Variants in STPG2 observed in about 807,000 individuals in gnomAD.
STPG2 encodes the protein sperm tail PG-rich repeat containing 2, also known as sperm-tail PG-rich repeat-containing protein 2.
A neutral mutation model predicts 54.2 loss-of-function variants in STPG2; 56 were observed. That is an observed-to-expected ratio of 1.03 (90% confidence interval 0.83 to 1.29). The LOEUF (loss-of-function observed/expected upper bound fraction) is 1.29. Ranked by LOEUF, STPG2 falls within the 50% of genes most tolerant of loss-of-function variation. The probability of loss-of-function intolerance (pLI) is 0.00; values close to 1 mark genes in which losing one functional copy is unlikely to be tolerated. For synonymous variants in STPG2, 200 were observed against 181.8 expected (o/e 1.10, Z -0.81); for missense variants, 596 against 544.9 (o/e 1.09, Z -0.93).
At chr4:97,457,244 A>G (rs1004649842) in intron 4 of STPG2, among the ~76,000 whole-genome samples, 1 of 152,178 alleles carries the variant, frequency 6.6e-6, no homozygotes, top group African/African-American at 2.4e-5. Flanking sequence ...CAGTGATCAT[A>G]CTCTTTGTTA....
chr4:97,447,057 A>C (rs1195329527), intron 4 of STPG2, among the ~76,000 whole-genome samples: 1 of 152,218 alleles, frequency 6.6e-6, no homozygotes, highest in East Asian at 1.9e-4. Context: ...TTTGACCAAA[A>C]TGCTGATAGT....
intron 8 of STPG2, among the ~76,000 whole-genome samples, chr4:97,913,522 A>T (rs908058169): frequency 2.6e-5 from 4 of 152,176 alleles, no homozygotes; most frequent in African/African-American, 9.6e-5. Context: ...CCTATAGAAC[A>T]GCTCCTCCTC....
intron 9 of STPG2, among the ~76,000 whole-genome samples, chr4:97,788,010 T>C (rs1299542796): frequency 6.6e-6 from 1 of 151,978 alleles, no homozygotes; most frequent in Non-Finnish European, 1.5e-5. Flanking sequence ...ACACACAATG[T>C]GTAATAATCA....
chr4:98,111,687 T>G (rs1186631003), intron 3 of STPG2, among the ~76,000 whole-genome samples: 2 of 126,372 alleles, frequency 1.6e-5, no homozygotes, highest in Non-Finnish European at 3.5e-5. Flanking sequence ...AATACTCACA[T>G]AGCTGATAAA....
intron 9 of STPG2, among the ~76,000 whole-genome samples, chr4:97,733,920 A>G (rs999632396): frequency 2.6e-5 from 4 of 152,100 alleles, no homozygotes; most frequent in Non-Finnish European, 4.4e-5. Flanking sequence ...ATCATCTTCT[A>G]GTTTTCTATA....
chr4:97,669,816 AAAAG>A (rs1454397194), intron 10 of STPG2, among the ~76,000 whole-genome samples: 1 of 26,296 alleles, frequency 3.8e-5, no homozygotes, highest in Non-Finnish European at 6.9e-5. Context: ...AAAAAAAAAA[AAAAG>A]AAAGTTTATT....
At chr4:97,652,464 CA>C (rs199729676) in intron 10 of STPG2, among the ~76,000 whole-genome samples, 2,152 of 151,108 alleles carry the variant, frequency 0.014, 43 homozygotes, top group African/African-American at 0.048. Flanking sequence ...TATGTTCTTA[CA>C]AAAAAAAGTA....
intron 4 of STPG2, among the ~76,000 whole-genome samples, chr4:97,444,698 A>G (rs766744415): frequency 5.9e-5 from 9 of 152,148 alleles, no homozygotes; most frequent in Non-Finnish European, 1.0e-4. Context: ...AAAGAAGAAC[A>G]ATGAAAGAGT....
At chr4:97,582,741 A>T (rs937974462) in intron 10 of STPG2, among the ~76,000 whole-genome samples, 82 of 152,052 alleles carry the variant, frequency 5.4e-4, no homozygotes, top group Non-Finnish European at 2.9e-4. Context: ...CTGAATGCAA[A>T]CAAATGCCAG....
chr4:97,694,869 C>T (rs908897895), intron 10 of STPG2, among the ~76,000 whole-genome samples: 2 of 135,278 alleles, frequency 1.5e-5, no homozygotes, highest in Non-Finnish European at 3.2e-5. Flanking sequence ...CAAAAAAAGT[C>T]CAGAGGCAGA....
chr4:98,003,868 A>C (rs1483200144), intron 5 of STPG2, among the ~76,000 whole-genome samples: 1 of 152,088 alleles, frequency 6.6e-6, no homozygotes, highest in Admixed American at 6.6e-5. Context: ...TCTTTATTGA[A>C]GTATAATAGA....
intron 4 of STPG2, among the ~76,000 whole-genome samples, chr4:97,484,047 A>G (rs1284698512): frequency 6.6e-6 from 1 of 151,784 alleles, no homozygotes; most frequent in African/African-American, 2.4e-5. Flanking sequence ...GACACAACCT[A>G]TCAAAACCTC....
intron 5 of STPG2, among the ~76,000 whole-genome samples, chr4:98,022,601 C>T (rs1305149264): frequency 1.3e-5 from 2 of 151,902 alleles, no homozygotes; most frequent in African/African-American, 4.8e-5. Flanking sequence ...TGGATAATAT[C>T]CTGCAGAGTG....
intron 7 of STPG2, among the ~76,000 whole-genome samples, chr4:97,957,294 T>C (rs1485229149): frequency 1.3e-5 from 2 of 150,582 alleles, no homozygotes; most frequent in Non-Finnish European, 3.0e-5. Flanking sequence ...CTCTGGAAAG[T>C]CTCAGCAATA....
chr4:97,767,698 G>A (rs1726095215), intron 9 of STPG2, among the ~76,000 whole-genome samples: 1 of 152,088 alleles, frequency 6.6e-6, no homozygotes, highest in Non-Finnish European at 1.5e-5. Context: ...GTATTTGAAT[G>A]TGTTATTTTA....
intron 9 of STPG2, among the ~76,000 whole-genome samples, chr4:97,793,370 TACACACACACAC>T (rs3046530): frequency 7.4e-5 from 11 of 147,880 alleles, no homozygotes; most frequent in Non-Finnish European, 1.7e-4. Flanking sequence ...GTTTTATATA[TACACACACACAC>T]ACACACACAC....
chr4:97,908,638 G>C (rs1237134227), intron 8 of STPG2, among the ~76,000 whole-genome samples: 1 of 151,714 alleles, frequency 6.6e-6, no homozygotes, highest in Non-Finnish European at 1.5e-5. Flanking sequence ...ATGATAGACT[G>C]GATTAAGAAA....
chr4:97,863,811 C>T (rs966155764), intron 8 of STPG2, among the ~76,000 whole-genome samples: 13 of 152,078 alleles, frequency 8.5e-5, no homozygotes, highest in African/African-American at 2.4e-4. Context: ...AATCAATAAA[C>T]GTGATCCAGC....
At chr4:98,083,596 T>A (rs1472471424) in intron 5 of STPG2, among the ~76,000 whole-genome samples, 1 of 152,174 alleles carries the variant, frequency 6.6e-6, no homozygotes, top group African/African-American at 2.4e-5. Flanking sequence ...TACAATTCTA[T>A]TAATATTGGA....
Sources: allele counts gnomAD v4.1 joint callset (sites outside exome capture counted in the v4.1 genomes callset), GRCh38; gene constraint gnomAD v4.1.1; transcripts MANE v1.5; gene names NCBI Gene and HGNC (gene_info 2026-07-23, HGNC 2026-07-21).